CDYL2: variants seen among roughly 807,000 people sequenced by gnomAD.
The protein encoded by CDYL2 is chromodomain Y-like protein 2.
CDYL2 carries 23 observed loss-of-function variants against 49.4 expected under a neutral mutation model. The observed-to-expected ratio is 0.47, with a 90% CI of 0.34 to 0.66. The LOEUF (loss-of-function observed/expected upper bound fraction) is 0.66. Ranked by LOEUF, CDYL2 falls within the 30% of genes least tolerant of loss-of-function variation. The pLI, the probability that CDYL2 is intolerant of heterozygous loss-of-function variation, is 0.01. For synonymous variants in CDYL2, 360 were observed against 268.8 expected (o/e 1.34, Z -3.32); for missense variants, 678 against 656.4 (o/e 1.03, Z -0.36).
intron 5 of CDYL2, among the ~76,000 whole-genome samples, chr16:80,611,710 T>A (rs1446131953): frequency 6.6e-6 from 1 of 152,164 alleles, no homozygotes; most frequent in Non-Finnish European, 1.5e-5. Context: ...CTAGCCTCAG[T>A]CTCCACATCC....
At chr16:80,784,115 C>G (rs536994045) in intron 1 of CDYL2, among the ~76,000 whole-genome samples, 3 of 152,248 alleles carry the variant, frequency 2.0e-5, no homozygotes, top group South Asian at 2.1e-4. Flanking sequence ...TCAAAAAATT[C>G]TAATACAACC....
chr16:80,604,723 A>T (rs1310987466), intron 6 of CDYL2, among the ~76,000 whole-genome samples, 177 bp from the exon 7 acceptor site: 1 of 152,142 alleles, frequency 6.6e-6, no homozygotes, highest in Admixed American at 6.5e-5. Flanking sequence ...TGGATCCCAG[A>T]TGTGTCAAGA....
chr16:80,689,383 C>G (rs1257883614), intron 1 of CDYL2, among the ~76,000 whole-genome samples: 3 of 152,204 alleles, frequency 2.0e-5, no homozygotes, highest in Admixed American at 2.0e-4. Context: ...CTGTGTAAAT[C>G]ACTTTCAGGT....
chr16:80,622,603 G>A lies in CDYL2; in HGVS notation c.835-1668C>T, dbSNP rs138290230. On this transcript the variant is annotated intron_variant, in intron 3 of 6. Transcript: ENST00000570137. ...GAGCCTAGCACAGTGCCTGGGGTAT[G>A]GTGGACACTCAGTATCTGCTTGTTT... Among the ~76,000 whole-genome samples, 938 of 152,258 alleles carry A rather than the reference G, an allele frequency of 6.2e-3. 8 individuals are homozygous for A. The highest frequency in any genetic ancestry group is 0.01 in the Middle Eastern group (3 of 294).
chr16:80,607,318 T>C (rs1906382204), intron 6 of CDYL2, among the ~76,000 whole-genome samples: 1 of 151,894 alleles, frequency 6.6e-6, no homozygotes, highest in Admixed American at 6.6e-5. Flanking sequence ...CAGTCAGGGA[T>C]GAGAAGCATG....
At chr16:80,687,600 G>C (rs1428748071) in intron 1 of CDYL2, among the ~76,000 whole-genome samples, 2 of 152,170 alleles carry the variant, frequency 1.3e-5, no homozygotes, top group Non-Finnish European at 2.9e-5. Flanking sequence ...ATGTGGGATG[G>C]ATGAAAAGGT....
At chr16:80,692,366 C>A (rs1446568681) in intron 1 of CDYL2, among the ~76,000 whole-genome samples, 1 of 152,130 alleles carries the variant, frequency 6.6e-6, no homozygotes, top group Non-Finnish European at 1.5e-5. Flanking sequence ...ATATTCTGAA[C>A]TCAAGAATTC....
chr16:80,742,739 T>C (rs553582275), intron 1 of CDYL2, among the ~76,000 whole-genome samples: 1 of 149,722 alleles, frequency 6.7e-6, no homozygotes, highest in East Asian at 2.0e-4. Context: ...GGTAGGTGGG[T>C]GAGTGAGTGG....
At chr16:80,675,092 C>G (rs1166165963) in intron 2 of CDYL2, among the ~76,000 whole-genome samples, 1 of 152,258 alleles carries the variant, frequency 6.6e-6, no homozygotes, top group East Asian at 1.9e-4. Flanking sequence ...GTCAGCATCT[C>G]TGATACTACT....
rs1011311998 is a variant in CDYL2, at chr16:80,604,620, G to A, written c.1363-74C>T. 10 of 1,521,508 alleles carry A rather than the reference G, an allele frequency of 6.6e-6. No homozygotes were observed. The East Asian group carries it at 2.3e-4, about 34-fold the overall frequency. 94.3% of individuals were successfully genotyped at this position (1,521,508 alleles called of 1,614,324 possible). ...TCCAGAACTAGGTACCTGGCCCATGGGGCACTGGCCAACCTCCCATACTCA... is the reference window on the plus strand; with the variant it reads ...TCCAGAACTAGGTACCTGGCCCATGAGGCACTGGCCAACCTCCCATACTCA... On this transcript the variant is annotated intron_variant, in intron 6 of 6. Transcript: ENST00000570137.
At chr16:80,753,693 G>A (rs1486219653) in intron 1 of CDYL2, among the ~76,000 whole-genome samples, 1 of 152,106 alleles carries the variant, frequency 6.6e-6, no homozygotes, top group Non-Finnish European at 1.5e-5. Context: ...AAGGTAACAT[G>A]GCAAAGTGCC....
At chr16:80,631,355 G>C (rs1011319195) in intron 3 of CDYL2, among the ~76,000 whole-genome samples, 6 of 152,176 alleles carry the variant, frequency 3.9e-5, no homozygotes, top group Non-Finnish European at 8.8e-5. Context: ...GCATCTTGTA[G>C]GAAAAGGCTG....
chr16:80,622,560 T>C (rs909847905), intron 3 of CDYL2, among the ~76,000 whole-genome samples: 2 of 152,188 alleles, frequency 1.3e-5, no homozygotes, highest in Non-Finnish European at 2.9e-5. Context: ...ATCTCTCTTA[T>C]TCTCCAGTGT....
At chr16:80,690,207 C>T (rs1397872867) in intron 1 of CDYL2, among the ~76,000 whole-genome samples, 3 of 152,074 alleles carry the variant, frequency 2.0e-5, no homozygotes, top group Admixed American at 6.5e-5. Flanking sequence ...TGAGAAACAA[C>T]GGCAGCGGGA....
At chr16:80,768,566 G>A (rs1289712279) in intron 1 of CDYL2, among the ~76,000 whole-genome samples, 1 of 152,180 alleles carries the variant, frequency 6.6e-6, no homozygotes. Flanking sequence ...CATGGCACAA[G>A]GCACGATCAA....
At chr16:80,654,900 G>C (rs773591296) in intron 2 of CDYL2, among the ~76,000 whole-genome samples, 1 of 152,224 alleles carries the variant, frequency 6.6e-6, no homozygotes, top group Non-Finnish European at 1.5e-5. Context: ...TACAAGGCTT[G>C]TGTAGAGGGA....
intron 1 of CDYL2, among the ~76,000 whole-genome samples, chr16:80,748,412 A>G (rs1445560377): frequency 6.8e-6 from 1 of 146,426 alleles, no homozygotes; most frequent in African/African-American, 2.5e-5. Context: ...CTGTAGTACC[A>G]GCTACTTGGG....
intron 1 of CDYL2, among the ~76,000 whole-genome samples, chr16:80,798,960 C>T (rs1907846478): frequency 6.6e-6 from 1 of 151,926 alleles, no homozygotes; most frequent in Non-Finnish European, 1.5e-5. Context: ...TCATTTAAAA[C>T]TCATAACACA....
intron 2 of CDYL2, among the ~76,000 whole-genome samples, chr16:80,642,432 G>C (rs183837716): frequency 8.5e-5 from 13 of 152,228 alleles, no homozygotes; most frequent in Non-Finnish European, 1.5e-4. Flanking sequence ...AACGGAGCGA[G>C]ACTCCATCTA....
Sources: gnomAD v4.1 joint callset for allele counts (sites outside exome capture counted in the v4.1 genomes callset) on GRCh38, gnomAD v4.1.1 for gene constraint, MANE v1.5 for transcripts, NCBI Gene and HGNC (gene_info 2026-07-23, HGNC 2026-07-21) for gene names.